Variants in PAQR5 observed in about 807,000 individuals in gnomAD.
The protein encoded by PAQR5 is progestin and adipoQ receptor family member 5, also known as membrane progestin receptor gamma.
Under a neutral mutation model 34.5 loss-of-function variants are expected in PAQR5, and 20 were observed. The ratio of observed to expected loss-of-function variants is 0.58; its 90% CI spans 0.41 to 0.84. PAQR5 has a LOEUF of 0.84. PAQR5 is among the 40% of genes least tolerant of loss of function. PAQR5 has a pLI of 0.00. For synonymous variants in PAQR5, 131 were observed against 155.6 expected, an observed-to-expected ratio of 0.84 and a Z score of 1.18; for missense variants, 378 against 412.7, an observed-to-expected ratio of 0.92 and a Z score of 0.73.
chr15:69,312,635 C>T (rs940089096), intron 1 of PAQR5, among the ~76,000 whole-genome samples: 3 of 151,684 alleles, frequency 2.0e-5, no homozygotes, highest in Non-Finnish European at 4.4e-5. Context: ...CCTGTCCAGT[C>T]CCCCCGTCCC....
chr15:69,320,888 G>C (rs2054079338), intron 1 of PAQR5, among the ~76,000 whole-genome samples: 1 of 152,112 alleles, frequency 6.6e-6, no homozygotes, highest in Non-Finnish European at 1.5e-5. Context: ...TCTAGAAAAA[G>C]CTTTTCCTGA....
At position 69,404,188 on chromosome 15, in the gene PAQR5, A is replaced by G. The variant is rs2056717284; in HGVS notation, c.*366A>G. The G allele has an allele frequency of 5.2e-6, 1 of 193,832 alleles. No homozygotes were observed. The highest frequency in any genetic ancestry group is 5.8e-5 in the Admixed American group (1 of 17,210). 12.0% of individuals were successfully genotyped at this position (193,832 alleles called of 1,614,324 possible). A position where few individuals can be genotyped will look rare whatever the true frequency, so the allele number is the denominator to read the frequency against. On this transcript the variant is annotated 3_prime_UTR_variant, in exon 9 of 9. Coordinates refer to ENST00000395407, the MANE Select transcript of PAQR5 (RefSeq NM_017705.4). Reference sequence around the variant, plus strand: ...TTAAAAATGAATCTTGCTTCATTTGATGAATTTCATGTCACAAAGCTTCTC... The same window carrying G: ...TTAAAAATGAATCTTGCTTCATTTGGTGAATTTCATGTCACAAAGCTTCTC...
In PAQR5 at chr15:69,398,693, A is replaced by C. The variant is rs145883670; in HGVS notation, c.609+1129A>C. 2.0e-3 allele frequency among the ~76,000 whole-genome samples: 306 copies of C among 151,998 alleles called. 2 individuals carry two copies. Among genetic ancestry groups the C allele is most frequent in the African/African-American group, 7.1e-3 (293 of 41,436 alleles). On this transcript the variant is annotated intron_variant, in intron 7 of 8. Coordinates refer to ENST00000395407, the MANE Select transcript of PAQR5 (RefSeq NM_017705.4). ...GATGGGGCTGCAGCCCGTTCCCCTC[A>C]CTCCTTCCTCAAGGGCGCAGACCAC...
At chr15:69,319,154 T>C (rs1037671922) in intron 1 of PAQR5, among the ~76,000 whole-genome samples, 1 of 85,778 alleles carries the variant, frequency 1.2e-5, no homozygotes, top group African/African-American at 5.3e-5. Flanking sequence ...TATATAAATA[T>C]ATACATATAT....
intron 1 of PAQR5, among the ~76,000 whole-genome samples, chr15:69,318,002 T>C (rs543187333): frequency 3.3e-5 from 5 of 152,202 alleles, no homozygotes; most frequent in Non-Finnish European, 7.4e-5. Context: ...CCACCATCCT[T>C]GCGCAGGGTT....
At chr15:69,401,472 G>A (rs938626673) in intron 8 of PAQR5, among the ~76,000 whole-genome samples, 6 of 152,170 alleles carry the variant, frequency 3.9e-5, no homozygotes, top group East Asian at 1.9e-4. Context: ...CCAGGGAATC[G>A]GAGTCACCAG....
In PAQR5 at chr15:69,407,578, C is replaced by T. The variant is rs2056763026; in HGVS notation, c.*3756C>T. The T allele has an allele frequency of 6.6e-6, 1 of 152,200 alleles. No individual in the cohort carries two copies. Among genetic ancestry groups the T allele is most frequent in the Non-Finnish European group, 1.5e-5 (1 of 68,052 alleles). The allele number at this position is 152,200 out of a possible 1,614,324, so 9.4% of individuals were successfully genotyped here. ...AAACTCAGATGTTCTCCAACTTACA[C>T]TAATGTCTGGTTTTCTTGAACTATG... On this transcript the variant is annotated 3_prime_UTR_variant, in exon 9 of 9. Transcript: ENST00000395407.
chr15:69,385,823 ACACT>A lies in PAQR5; in HGVS notation c.385+945_385+948del, dbSNP rs1189674416. On this transcript the variant is annotated intron_variant, in intron 5 of 8. Transcript: ENST00000395407. The surrounding 1 kb of genome is among the most constrained non-coding windows in gnomAD (Gnocchi z 4.7). ...AATGCACTCACACATGCACATACACACACTCACCACATATACACAATACACTTAC... is the reference window on the plus strand; with the variant it reads ...AATGCACTCACACATGCACATACACACACCACATATACACAATACACTTAC... Among the ~76,000 whole-genome samples the A allele has an allele frequency of 4.0e-5, 6 of 151,754 alleles. No homozygotes were observed. Among genetic ancestry groups the A allele is most frequent in the Admixed American group, 1.3e-4 (2 of 15,214 alleles).
At chr15:69,395,090 G>T (rs1159791305) in intron 6 of PAQR5, among the ~76,000 whole-genome samples, 1 of 152,180 alleles carries the variant, frequency 6.6e-6, no homozygotes, top group Admixed American at 6.5e-5. Context: ...CTTTAAGAGC[G>T]AGCCTCTCAA....
intron 4 of PAQR5, among the ~76,000 whole-genome samples, chr15:69,382,659 CATATATATATATATAT>C (rs59064870): frequency 0.3 from 27,272 of 90,566 alleles, 5,621 homozygotes; most frequent in Non-Finnish European, 0.36. Flanking sequence ...AAAAAAAAAG[CATATATATATATATAT>C]ATATATATAT....
rs2056734004 is a variant in PAQR5, at chr15:69,404,992, C to G, written c.*1170C>G. The stretch of plus-strand genomic sequence containing the variant: ...TTACATGTTCCAAAAGGCATTAGAC[C>G]TATCAGCTTTGTTTCGCCTGATCTC... On this transcript the variant is annotated 3_prime_UTR_variant, in exon 9 of 9. Transcript: ENST00000395407. 1 of 398,512 alleles carries G rather than the reference C, an allele frequency of 2.5e-6. No individual in the cohort carries two copies. The highest frequency in any genetic ancestry group is 4.4e-6 in the Non-Finnish European group (1 of 226,066). 24.7% of individuals were successfully genotyped at this position (398,512 alleles called of 1,614,324 possible). A position where few individuals can be genotyped will look rare whatever the true frequency, so the allele number is the denominator to read the frequency against.
At chr15:69,300,606 T>A (rs963707501) in intron 1 of PAQR5, among the ~76,000 whole-genome samples, 3 of 45,302 alleles carry the variant, frequency 6.6e-5, no homozygotes, top group African/African-American at 2.0e-4. Flanking sequence ...TCTTTCTTTC[T>A]TTCTTTCTTT....
intron 4 of PAQR5, among the ~76,000 whole-genome samples, chr15:69,381,743 T>C (rs966019888): frequency 3.3e-5 from 5 of 151,984 alleles, no homozygotes; most frequent in African/African-American, 7.3e-5. Flanking sequence ...CACTGAAAAA[T>C]TGAAATAACT....
At position 69,385,769 on chromosome 15, in the gene PAQR5, C is replaced by G. The variant is rs1567035323; in HGVS notation, c.385+887C>G. ...ACACTCACACAAACACACACTCATGCACTGACACACACTGACACACACACA... is the reference window on the plus strand; with the variant it reads ...ACACTCACACAAACACACACTCATGGACTGACACACACTGACACACACACA... On this transcript the variant is annotated intron_variant, in intron 5 of 8. Transcript: ENST00000395407. This position sits in a 1 kb window ranked among gnomAD's most constrained non-coding sequence, Gnocchi z 4.7. 6.6e-6 allele frequency among the ~76,000 whole-genome samples: 1 copy of G among 151,914 alleles called. No individual in the cohort carries two copies. The highest frequency in any genetic ancestry group is 2.4e-5 in the African/African-American group (1 of 41,320).
intron 6 of PAQR5, among the ~76,000 whole-genome samples, chr15:69,392,917 G>A (rs1402587841): frequency 6.6e-6 from 1 of 152,090 alleles, no homozygotes; most frequent in African/African-American, 2.4e-5. Context: ...AGATGGAGGA[G>A]AGCAGCTACA....
At chr15:69,326,906 T>C (rs1050772093) in intron 1 of PAQR5, among the ~76,000 whole-genome samples, 1 of 151,240 alleles carries the variant, frequency 6.6e-6, no homozygotes, top group African/African-American at 2.4e-5. Context: ...GTCCCTCCTT[T>C]ACATTAGGCC....
chr15:69,306,434 C>T (rs1327500774), intron 1 of PAQR5, among the ~76,000 whole-genome samples: 6 of 113,486 alleles, frequency 5.3e-5, no homozygotes, highest in African/African-American at 1.3e-4. Context: ...TTTTTTGATA[C>T]GGAGTCTCGA....
At chr15:69,364,905 T>C (rs1232952811) in intron 3 of PAQR5, among the ~76,000 whole-genome samples, 1 of 150,566 alleles carries the variant, frequency 6.6e-6, no homozygotes, top group African/African-American at 2.4e-5. Context: ...ACCAAGCTAG[T>C]TTTTGTATTT....
chr15:69,395,798 C>T (rs888799234), intron 6 of PAQR5, among the ~76,000 whole-genome samples: 1 of 152,080 alleles, frequency 6.6e-6, no homozygotes, highest in African/African-American at 2.4e-5. Context: ...ATGATGCATC[C>T]TAGTTCCTTC....
Sources: allele counts gnomAD v4.1 joint callset (sites outside exome capture counted in the v4.1 genomes callset), GRCh38; gene constraint gnomAD v4.1.1; non-coding constraint Gnocchi (gnomAD v3.1); transcripts MANE v1.5; gene names NCBI Gene and HGNC (gene_info 2026-07-23, HGNC 2026-07-21).